PCDHGB6: variants seen among roughly 807,000 people sequenced by gnomAD.
PCDHGB6 encodes protocadherin gamma-B6.
In PCDHGB6, 51 loss-of-function variants were observed where a neutral mutation model predicts 59.1. The observed-to-expected ratio is 0.86, with a 90% CI of 0.69 to 1.09. PCDHGB6 has a LOEUF of 1.09. Among genes scored for constraint, PCDHGB6 ranks in the 50% least tolerant of loss-of-function variants. The probability of loss-of-function intolerance (pLI) is 0.00; values close to 1 mark genes in which losing one functional copy is unlikely to be tolerated. For synonymous variants in PCDHGB6, 466 were observed against 495.1 expected (o/e 0.94, Z 0.78); for missense variants, 1,148 against 1,205.1 (o/e 0.95, Z 0.70).
intron 1 of PCDHGB6, chr5:141,422,216 C>T (rs1241784107): frequency 6.4e-7 from 1 of 1,563,862 alleles, no homozygotes; most frequent in African/African-American, 1.4e-5. Flanking sequence ...GGTCTCTTTA[C>T]CACCACGACG....
At chr5:141,507,380 C>G (rs984406173) in intron 3 of PCDHGB6, 1 of 151,954 alleles carries the variant, frequency 6.6e-6, no homozygotes, top group African/African-American at 2.4e-5. Flanking sequence ...CTTTTATTTA[C>G]TAAATCTGGC....
intron 1 of PCDHGB6, chr5:141,421,871 CT>C: frequency 6.2e-7 from 1 of 1,613,756 alleles, no homozygotes; most frequent in Non-Finnish European, 8.5e-7. Flanking sequence ...CTCCTCACAG[CT>C]TTAGATGGAG....
At chr5:141,414,400 G>C (rs768269499) in intron 1 of PCDHGB6, 1 of 1,613,878 alleles carries the variant, frequency 6.2e-7, no homozygotes, top group Admixed American at 1.7e-5. Context: ...TTACAGATTG[G>C]TGATACACAG....
At chr5:141,435,376 A>G (rs1358757887) in intron 1 of PCDHGB6, among the ~76,000 whole-genome samples, 1 of 152,200 alleles carries the variant, frequency 6.6e-6, no homozygotes, top group Non-Finnish European at 1.5e-5. Flanking sequence ...TAAATATACA[A>G]TATACCGTAT....
chr5:141,485,980 G>C lies in PCDHGB6; in HGVS notation c.2419-8827G>C, dbSNP rs151239937. 1 of 1,614,020 alleles carries C rather than the reference G, an allele frequency of 6.2e-7. No individual in the cohort carries two copies. The highest frequency in any genetic ancestry group is 1.3e-5 in the African/African-American group (1 of 74,914). The stretch of plus-strand genomic sequence containing the variant: ...TCATCCAGCTCAATGCCTCAGACCC[G>C]GACCTGGGTCCCAGTGGTAACGTCA... On this transcript the variant is annotated intron_variant, in intron 1 of 3. Transcript: ENST00000520790. The surrounding 1 kb of genome is among the most constrained non-coding windows in gnomAD (Gnocchi z 5.7).
chr5:141,497,919 T>G (rs762168347), intron 2 of PCDHGB6, among the ~76,000 whole-genome samples: 11 of 152,206 alleles, frequency 7.2e-5, no homozygotes, highest in Non-Finnish European at 1.6e-4. Flanking sequence ...TCTCCTTCAT[T>G]CATTCAACAA....
chr5:141,415,197 A>G, intron 1 of PCDHGB6: 1 of 1,614,016 alleles, frequency 6.2e-7, no homozygotes, highest in African/African-American at 1.3e-5. Context: ...GCATCCCCCA[A>G]GTCCTGGCGG....
intron 1 of PCDHGB6, among the ~76,000 whole-genome samples, chr5:141,452,585 G>A (rs1310395736): frequency 6.6e-6 from 1 of 151,984 alleles, no homozygotes; most frequent in Non-Finnish European, 1.5e-5. Context: ...TTCCATCTTT[G>A]TATTTTTATT....
chr5:141,413,010 C>A, intron 1 of PCDHGB6: 1 of 640,210 alleles, frequency 1.6e-6, no homozygotes. Flanking sequence ...AGGGCTTCAA[C>A]TACACAAGCC....
chr5:141,491,500 G>A lies in PCDHGB6; in HGVS notation c.2419-3307G>A. ...CAGCCCCAACCTGCAGGTGAGCTCG[G>A]ACGGCACGCTCAAGTACATGGAGGT... On this transcript the variant is annotated intron_variant, in intron 1 of 3. Transcript: ENST00000520790. The surrounding 1 kb of genome is among the most constrained non-coding windows in gnomAD (Gnocchi z 6.9). 3 of 1,614,102 alleles carry A rather than the reference G, an allele frequency of 1.9e-6. No homozygotes were observed. The highest frequency in any genetic ancestry group is 2.7e-5 in the African/African-American group (2 of 75,066).
chr5:141,422,205 A>G (rs758255761), intron 1 of PCDHGB6: 2 of 1,562,218 alleles, frequency 1.3e-6, no homozygotes, highest in Non-Finnish European at 1.7e-6. Flanking sequence ...AAGATGGTGG[A>G]GGTCTCTTTA....
intron 1 of PCDHGB6, chr5:141,415,153 G>T: frequency 2.5e-6 from 4 of 1,613,780 alleles, no homozygotes; most frequent in Non-Finnish European, 3.4e-6. Context: ...CCCTCTCTCC[G>T]CCACTGTCAC....
chr5:141,449,066 A>G (rs1234801725), intron 1 of PCDHGB6, among the ~76,000 whole-genome samples: 3 of 152,188 alleles, frequency 2.0e-5, no homozygotes, highest in African/African-American at 4.8e-5. Context: ...GCGCTATTGA[A>G]TAGCCCTGTA....
At chr5:141,425,391 A>G (rs2096872046) in intron 1 of PCDHGB6, among the ~76,000 whole-genome samples, 1 of 152,238 alleles carries the variant, frequency 6.6e-6, no homozygotes, top group South Asian at 2.1e-4. Flanking sequence ...AGGTAGTGAT[A>G]AAGTTCTGTT....
At chr5:141,430,918 G>T (rs766412276) in intron 1 of PCDHGB6, 2 of 1,607,866 alleles carry the variant, frequency 1.2e-6, no homozygotes, top group South Asian at 2.2e-5. Context: ...GGGACCTGGG[G>T]CTGGAGCCCC....
chr5:141,481,436 T>C (rs775003998), intron 1 of PCDHGB6, among the ~76,000 whole-genome samples: 5 of 152,220 alleles, frequency 3.3e-5, no homozygotes, highest in South Asian at 2.1e-4. Flanking sequence ...ATTGTATCAG[T>C]TTAGTACATG....
intron 1 of PCDHGB6, among the ~76,000 whole-genome samples, chr5:141,437,093 C>T (rs1382920904): frequency 2.6e-5 from 4 of 152,136 alleles, no homozygotes; most frequent in East Asian, 1.9e-4. Flanking sequence ...TTGAAACTAA[C>T]GGCTTAGCTT....
chr5:141,500,839 G>A (rs2099802871), intron 2 of PCDHGB6, among the ~76,000 whole-genome samples: 1 of 151,906 alleles, frequency 6.6e-6, no homozygotes, highest in African/African-American at 2.4e-5. Flanking sequence ...ATGCTAATGG[G>A]CTTTTGCTAC....
chr5:141,414,920 C>A (rs1222364302), intron 1 of PCDHGB6: 1 of 1,614,146 alleles, frequency 6.2e-7, no homozygotes, highest in South Asian at 1.1e-5. Flanking sequence ...GTGGAGCTGG[C>A]GCCCCGCTCC....
Sources: gnomAD v4.1 joint callset for allele counts (sites outside exome capture counted in the v4.1 genomes callset) on GRCh38, gnomAD v4.1.1 for gene constraint, Gnocchi (gnomAD v3.1) non-coding constraint, MANE v1.5 for transcripts, NCBI Gene and HGNC (gene_info 2026-07-23, HGNC 2026-07-21) for gene names.